DPP6: variants seen among roughly 807,000 people sequenced by gnomAD.
DPP6 encodes A-type potassium channel modulatory protein DPP6.
DPP6 carries 69 observed loss-of-function variants against 122.6 expected under a neutral mutation model. The observed-to-expected ratio is 0.56, with a 90% CI of 0.46 to 0.69. The LOEUF (loss-of-function observed/expected upper bound fraction) is 0.69, where lower values mean the gene tolerates loss of function less well. DPP6 is among the 30% of genes least tolerant of loss of function. DPP6 has a pLI of 0.00. For synonymous variants in DPP6, 418 were observed against 433.1 expected (o/e 0.97, Z 0.43); for missense variants, 928 against 1,116.9 (o/e 0.83, Z 2.41).
At chr7:153,980,209 G>C (rs943643785) in intron 1 of DPP6, among the ~76,000 whole-genome samples, 2 of 152,086 alleles carry the variant, frequency 1.3e-5, no homozygotes, top group Non-Finnish European at 1.5e-5. Context: ...ATTAATTACT[G>C]TATCAATTTC....
chr7:154,641,898 T>C (rs1350910193), intron 6 of DPP6, among the ~76,000 whole-genome samples: 1 of 152,192 alleles, frequency 6.6e-6, no homozygotes, highest in African/African-American at 2.4e-5. Flanking sequence ...CTGTGGATAT[T>C]GTTGCTCTAA....
chr7:154,196,538 G>A (rs974300280), intron 1 of DPP6, among the ~76,000 whole-genome samples: 1 of 152,284 alleles, frequency 6.6e-6, no homozygotes, highest in African/African-American at 2.4e-5. Context: ...ATGAGTAAAT[G>A]AATTCAGTGA....
At chr7:154,196,006 T>G (rs1051450099) in intron 1 of DPP6, among the ~76,000 whole-genome samples, 2 of 152,212 alleles carry the variant, frequency 1.3e-5, no homozygotes, top group African/African-American at 4.8e-5. Context: ...GTACTCCTGT[T>G]GGTATTAGCC....
intron 1 of DPP6, among the ~76,000 whole-genome samples, chr7:153,928,395 C>CCTTTTTTTTTTTTTTTTTTTTTTTTTTTT (rs1467865041): frequency 6.7e-5 from 2 of 29,994 alleles, no homozygotes; most frequent in Non-Finnish European, 1.3e-4. Flanking sequence ...TCTTTTCTTT[C>CCTTTTTTTTTTTTTTTTTTTTTTTTTTTT]ATTTTTTTTT....
At chr7:153,749,978 G>A in the DPP6 span, among the ~76,000 whole-genome samples, 1 of 152,112 alleles carries the variant, frequency 6.6e-6, no homozygotes, top group African/African-American at 2.4e-5. This position sits in a 1 kb window ranked among gnomAD's most constrained non-coding sequence, Gnocchi z 4.1. Context: ...CTTTATGTAA[G>A]GGCATATATG....
intron 1 of DPP6, among the ~76,000 whole-genome samples, chr7:154,070,766 G>A (rs1397682254): frequency 6.6e-6 from 1 of 152,138 alleles, no homozygotes; most frequent in East Asian, 1.9e-4. Context: ...GAAGGTATGG[G>A]AAACTGTATT....
chr7:154,830,432 C>A (rs1277456702), intron 16 of DPP6, among the ~76,000 whole-genome samples: 3 of 152,212 alleles, frequency 2.0e-5, no homozygotes, highest in Non-Finnish European at 4.4e-5. Context: ...AATGGAAAAT[C>A]AGTTCTGAAA....
chr7:154,887,682 C>T lies in DPP6; in HGVS notation c.2252C>T (p.Ala751Val), dbSNP rs370708312. The T allele has an allele frequency of 8.7e-6, 14 of 1,613,798 alleles. No individual in the cohort carries two copies. The highest frequency in any genetic ancestry group is 2.2e-5 in the East Asian group (1 of 44,866). ...TCCCTTTGCTTCCGTGCAGCCTCTGCGTTTTCCGAGAGGTACTTGGGCCTC... is the reference window on the plus strand; with the variant it reads ...TCCCTTTGCTTCCGTGCAGCCTCTGTGTTTTCCGAGAGGTACTTGGGCCTC... ...PITDFKLYAS[A>V]FSERYLGLHG... Residue 751 changes from alanine (A) to valine (V), a missense_variant, in exon 23 of 26, where the codon GCG (alanine) becomes GTG (valine). Ala to Val is a moderately conservative substitution (Grantham distance 64). Coordinates refer to ENST00000377770, the MANE Select transcript of DPP6 (RefSeq NM_130797.4).
intron 7 of DPP6, among the ~76,000 whole-genome samples, chr7:154,699,173 C>T (rs1840378800): frequency 1.3e-5 from 2 of 152,164 alleles, no homozygotes; most frequent in Admixed American, 1.3e-4. Flanking sequence ...GAGACTTAGC[C>T]AGGAACATCT....
At chr7:154,554,805 A>G (rs1187013211) in intron 4 of DPP6, among the ~76,000 whole-genome samples, 1 of 152,222 alleles carries the variant, frequency 6.6e-6, no homozygotes, top group East Asian at 1.9e-4. Flanking sequence ...TACCAAAATC[A>G]TAATATGCTA....
chr7:154,236,024 TG>T (rs755330824), intron 1 of DPP6, among the ~76,000 whole-genome samples: 3 of 152,148 alleles, frequency 2.0e-5, no homozygotes, highest in Admixed American at 6.5e-5. Context: ...GGCTAATTTT[TG>T]TATTTGTAAT....
At chr7:154,529,409 C>T (rs1827664921) in intron 3 of DPP6, among the ~76,000 whole-genome samples, 1 of 152,160 alleles carries the variant, frequency 6.6e-6, no homozygotes, top group South Asian at 2.1e-4. Context: ...AAGAAAATTG[C>T]CTGCTAGAAC....
intron 1 of DPP6, among the ~76,000 whole-genome samples, chr7:154,003,284 A>C (rs1205712742): frequency 2.6e-5 from 4 of 152,200 alleles, no homozygotes; most frequent in African/African-American, 9.6e-5. Flanking sequence ...AGAGTTTATG[A>C]ATCTTCACTA....
chr7:153,887,785 G>T lies in DPP6; in HGVS notation c.51+51G>T, dbSNP rs1473722898. 4 of 1,598,186 alleles carry T rather than the reference G, an allele frequency of 2.5e-6. No individual in the cohort carries two copies. The East Asian group carries it at 9.0e-5, about 36-fold the overall frequency. ...CTGGGTCGGGGGGACCCACCGTGAG[G>T]AGCGATGCTGGGGGAGGTCTGTCCT... On this transcript the variant is annotated intron_variant, in intron 1 of 25. Coordinates refer to the DPP6 transcript ENST00000404039.
At chr7:153,937,919 T>G (rs2129015808) in intron 1 of DPP6, among the ~76,000 whole-genome samples, 1 of 152,280 alleles carries the variant, frequency 6.6e-6, no homozygotes, top group South Asian at 2.1e-4. Flanking sequence ...CTGTTGGAAT[T>G]ACACATGCCA....
intron 21 of DPP6, among the ~76,000 whole-genome samples, chr7:154,882,054 C>T (rs1437252041): frequency 3.3e-5 from 5 of 152,226 alleles, no homozygotes; most frequent in South Asian, 2.1e-4. Flanking sequence ...CTTTTCCAGT[C>T]GTCACTCTGC....
At chr7:154,355,126 A>G (rs892457550) in intron 1 of DPP6, among the ~76,000 whole-genome samples, 3 of 152,130 alleles carry the variant, frequency 2.0e-5, no homozygotes, top group Non-Finnish European at 4.4e-5. Context: ...TTTAGATGCT[A>G]TTGGCCATTT....
rs1259802008 is a variant in DPP6 at position 154,060,573 on chromosome 7, T to C, written c.243+7510T>C. On this transcript the variant is annotated intron_variant, in intron 1 of 25. Transcript: ENST00000377770. Reference sequence around the variant, plus strand: ...TCAAATCTTCCGACGGCAGGTACCTTACGTGGGATTACTGAGAGCCAGTCC... The same window carrying C: ...TCAAATCTTCCGACGGCAGGTACCTCACGTGGGATTACTGAGAGCCAGTCC... 3.5e-5 allele frequency among the ~76,000 whole-genome samples: 4 copies of C among 115,490 alleles called. 1 individual carries two copies. Among genetic ancestry groups the C allele is most frequent in the East Asian group, 2.9e-4 (1 of 3,476 alleles). 75.8% of individuals were successfully genotyped at this position (115,490 alleles called of 152,430 possible).
At chr7:154,660,906 G>C (rs1006318427) in intron 6 of DPP6, among the ~76,000 whole-genome samples, 1 of 102,446 alleles carries the variant, frequency 9.8e-6, no homozygotes, top group Non-Finnish European at 1.9e-5. Context: ...ATATAGTCAT[G>C]GTGAATCACC....
Sources: gnomAD v4.1 joint callset for allele counts (sites outside exome capture counted in the v4.1 genomes callset) on GRCh38, gnomAD v4.1.1 for gene constraint, Gnocchi (gnomAD v3.1) non-coding constraint, MANE v1.5 for transcripts, NCBI Gene and HGNC (gene_info 2026-07-23, HGNC 2026-07-21) for gene names.